RUNX2: variants seen among roughly 807,000 people sequenced by gnomAD.
RUNX2 encodes the protein RUNX family transcription factor 2.
In RUNX2, 10 loss-of-function variants were observed where a neutral mutation model predicts 51.7. The observed-to-expected ratio is 0.19, with a 90% CI of 0.12 to 0.33. The LOEUF (loss-of-function observed/expected upper bound fraction) is 0.33. Among genes scored for constraint, RUNX2 ranks in the 10% least tolerant of loss-of-function variants. RUNX2 has a pLI of 1.00. For missense variants in RUNX2, 562 were observed against 691.3 expected, an observed-to-expected ratio of 0.81 and a Z score of 2.10; for synonymous variants, 276 against 273.6, an observed-to-expected ratio of 1.01 and a Z score of -0.09.
At chr6:45,406,178 A>G (rs74809661) in intron 2 of RUNX2, among the ~76,000 whole-genome samples, 5,314 of 152,252 alleles carry the variant, frequency 0.035, 323 homozygotes, top group African/African-American at 0.12. Context: ...ACGACTCCCC[A>G]GTAAACACCC....
At chr6:45,439,526 A>G (rs192479010) in intron 5 of RUNX2, among the ~76,000 whole-genome samples, 2 of 152,344 alleles carry the variant, frequency 1.3e-5, no homozygotes, top group Admixed American at 1.3e-4. Flanking sequence ...AAAAGGCAGG[A>G]CGTCCATTTT....
At chr6:45,443,218 T>C (rs956308635) in intron 5 of RUNX2, among the ~76,000 whole-genome samples, 1 of 151,876 alleles carries the variant, frequency 6.6e-6, no homozygotes, top group Non-Finnish European at 1.5e-5. Context: ...ACCTGGCTAA[T>C]GTTTACATTT....
intron 2 of RUNX2, among the ~76,000 whole-genome samples, chr6:45,411,688 A>G (rs1337097917): frequency 6.6e-6 from 1 of 152,168 alleles, no homozygotes. Flanking sequence ...GAGAAGCCAT[A>G]ATTTAATTAT....
intron 2 of RUNX2, among the ~76,000 whole-genome samples, chr6:45,349,701 T>TA (rs1409409869): frequency 6.6e-6 from 1 of 152,248 alleles, no homozygotes; most frequent in Non-Finnish European, 1.5e-5. Context: ...ATTTCATCAT[T>TA]AAAATTATAT....
At chr6:45,365,381 A>C in intron 2 of RUNX2, 1 of 929,542 alleles carries the variant, frequency 1.1e-6, no homozygotes, top group Non-Finnish European at 1.6e-6. Flanking sequence ...GCAAATATAA[A>C]TTACTTCAAA....
At chr6:45,544,934 C>A (rs148872139) in intron 7 of RUNX2, among the ~76,000 whole-genome samples, 30 of 152,148 alleles carry the variant, frequency 2.0e-4, no homozygotes, top group Admixed American at 1.5e-3. Context: ...TAGGTAGAGG[C>A]TAGTTGAGGA....
chr6:45,419,015 T>C (rs1475844608), intron 2 of RUNX2, among the ~76,000 whole-genome samples: 1 of 152,102 alleles, frequency 6.6e-6, no homozygotes, highest in African/African-American at 2.4e-5. Flanking sequence ...CCCCAACCAC[T>C]GAGGACTGCA....
At chr6:45,377,065 G>A (rs2150334447) in intron 2 of RUNX2, among the ~76,000 whole-genome samples, 1 of 151,930 alleles carries the variant, frequency 6.6e-6, no homozygotes, top group South Asian at 2.1e-4. Flanking sequence ...TCTCACGTGT[G>A]AGACCAAGTG....
intron 2 of RUNX2, among the ~76,000 whole-genome samples, chr6:45,343,782 G>C (rs755857525): frequency 1.2e-4 from 19 of 152,154 alleles, no homozygotes; most frequent in Non-Finnish European, 2.1e-4. Flanking sequence ...ATGTAACACA[G>C]AAGTTTGTGA....
chr6:45,533,963 C>T (rs894448265), intron 7 of RUNX2, among the ~76,000 whole-genome samples: 4 of 145,706 alleles, frequency 2.7e-5, no homozygotes, highest in Admixed American at 7.1e-5. Flanking sequence ...GGCTCGATCT[C>T]GGCTCACTGC....
intron 2 of RUNX2, among the ~76,000 whole-genome samples, chr6:45,351,309 C>G (rs1232513481): frequency 6.6e-6 from 1 of 152,042 alleles, no homozygotes; most frequent in Admixed American, 6.5e-5. Flanking sequence ...CCATCAAGAT[C>G]ACAACTTCCT....
chr6:45,332,196 T>A (rs572593954), intron 2 of RUNX2, among the ~76,000 whole-genome samples: 201 of 151,966 alleles, frequency 1.3e-3, no homozygotes, highest in Non-Finnish European at 2.1e-3. Context: ...ACATTCTGTA[T>A]CACAACTTTT....
chr6:45,440,898 G>A (rs150094485), intron 5 of RUNX2, among the ~76,000 whole-genome samples: 2 of 152,054 alleles, frequency 1.3e-5, no homozygotes, highest in East Asian at 1.9e-4. Context: ...GGAGCATTTC[G>A]GATTTTCAGA....
chr6:45,530,968 G>A (rs1324913511), intron 7 of RUNX2, among the ~76,000 whole-genome samples: 1 of 152,120 alleles, frequency 6.6e-6, no homozygotes, highest in East Asian at 1.9e-4. Flanking sequence ...TCTATAGAAA[G>A]CACTTTCATA....
chr6:45,399,349 CTTTTTTTTTTTTT>C lies in RUNX2; in HGVS notation c.59-23228_59-23216del, dbSNP rs398048486. Among the ~76,000 whole-genome samples, 280 of 57,400 alleles carry C rather than the reference CTTTTTTTTTTTTT, an allele frequency of 4.9e-3. 1 individual carries two copies. Among genetic ancestry groups the C allele is most frequent in the African/African-American group, 0.015 (260 of 16,858 alleles). 37.7% of individuals were successfully genotyped at this position (57,400 alleles called of 152,430 possible). ...CTTTCTCATTTCTTTCTTTTCTTTC[CTTTTTTTTTTTTT>C]TTTTTTTTTTTTTTTGAGATGGAGT... On this transcript the variant is annotated intron_variant, in intron 2 of 8. Transcript: ENST00000647337.
chr6:45,519,790 ATGTGTGTGTGTGTGTGTGTGTGTG>A (rs35210688), intron 7 of RUNX2, among the ~76,000 whole-genome samples: 2 of 124,086 alleles, frequency 1.6e-5, no homozygotes, highest in Non-Finnish European at 3.4e-5. Context: ...ATATATATAT[ATGTGTGTGTGTGTGTGTGTGTGTG>A]TGTGTGTGTG....
chr6:45,395,003 C>T (rs1797552479), intron 2 of RUNX2, among the ~76,000 whole-genome samples: 3 of 152,042 alleles, frequency 2.0e-5, no homozygotes, highest in Non-Finnish European at 4.4e-5. Flanking sequence ...TATTGTTGCT[C>T]TTTTTAATAT....
At chr6:45,484,080 C>A (rs1364197245) in intron 5 of RUNX2, among the ~76,000 whole-genome samples, 2 of 151,882 alleles carry the variant, frequency 1.3e-5, no homozygotes, top group Non-Finnish European at 2.9e-5. Flanking sequence ...TGGAAACTAA[C>A]TCTTCATTTT....
chr6:45,468,279 A>C (rs1799696500), intron 5 of RUNX2, among the ~76,000 whole-genome samples: 1 of 152,256 alleles, frequency 6.6e-6, no homozygotes, highest in South Asian at 2.1e-4. Flanking sequence ...TTTCTGAAAG[A>C]TCACTCTGAT....
Sources: gnomAD v4.1 joint callset for allele counts (sites outside exome capture counted in the v4.1 genomes callset) on GRCh38, gnomAD v4.1.1 for gene constraint, MANE v1.5 for transcripts, NCBI Gene and HGNC (gene_info 2026-07-23, HGNC 2026-07-21) for gene names.